Variants in EPS15L1 observed in about 807,000 individuals in gnomAD.
EPS15L1 encodes epidermal growth factor receptor substrate 15-like 1.
EPS15L1 carries 43 observed loss-of-function variants against 117.1 expected under a neutral mutation model. The ratio of observed to expected loss-of-function variants is 0.37; its 90% CI spans 0.29 to 0.47. The LOEUF (loss-of-function observed/expected upper bound fraction) is 0.47. EPS15L1 is among the 20% of genes least tolerant of loss of function. The pLI is 0.99. For missense variants in EPS15L1, 981 were observed against 1,164.0 expected (o/e 0.84, Z 2.29); for synonymous variants, 459 against 470.5 (o/e 0.98, Z 0.32).
intron 1 of EPS15L1, among the ~76,000 whole-genome samples, chr19:16,450,098 AT>A (rs1005919276): frequency 1.3e-4 from 20 of 151,382 alleles, no homozygotes; most frequent in Non-Finnish European, 1.0e-4. Flanking sequence ...AAAAAAAAAA[AT>A]AGCCACGCAT....
intron 21 of EPS15L1, among the ~76,000 whole-genome samples, chr19:16,380,819 C>T (rs1192405895): frequency 1.3e-5 from 2 of 152,254 alleles, no homozygotes; most frequent in African/African-American, 4.8e-5. Flanking sequence ...GTGTCTCTGG[C>T]AGCTAGTTAT....
rs74993164 is a variant in EPS15L1, at chr19:16,457,748, G to A, written c.33+14165C>T. ...TCCCAGCTGCTGACCTGTGTCCCCT[G>A]GACATCACCCCTCCCGGGCATCTCA... On this transcript the variant is annotated intron_variant, in intron 1 of 23. Transcript: ENST00000455140. Among the ~76,000 whole-genome samples the A allele has an allele frequency of 4.4e-3, 669 of 152,180 alleles. 9 individuals are homozygous for A. The highest frequency in any genetic ancestry group is 0.015 in the African/African-American group (617 of 41,516).
chr19:16,367,090 C>T (rs946570329), intron 22 of EPS15L1, among the ~76,000 whole-genome samples: 3 of 151,628 alleles, frequency 2.0e-5, no homozygotes, highest in Admixed American at 6.6e-5. Flanking sequence ...TTTACTGACG[C>T]GCATTTCAGA....
chr19:16,471,929 A>T lies in EPS15L1; in HGVS notation c.17T>A (p.Ile6Asn). The change falls in exon 1 of 24, where the codon ATC (isoleucine) becomes AAC (asparagine). Residue 6 changes from isoleucine to asparagine, a missense_variant. Ile to Asn is a moderately radical substitution (Grantham distance 149). Around this residue, in one of 5 missense-constraint regions of EPS15L1, gnomAD observed 37 missense variants for 21.2 expected, o/e 1.75. Transcript: ENST00000455140. This position sits in a 1 kb window ranked among gnomAD's most constrained non-coding sequence, Gnocchi z 4.8. The stretch of plus-strand genomic sequence containing the variant: ...GGCCCGTACCTGCTGGGAGAGGGGG[A>T]TGAGCGGCGCCGCCATCTTCCCGCG... MAAPL[I>N]PLSQQIPTGN... is the part of the protein sequence containing the mutation. The T allele has an allele frequency of 4.6e-6, 6 of 1,291,370 alleles. No individual in the cohort carries two copies. Among genetic ancestry groups the T allele is most frequent in the Non-Finnish European group, 5.9e-6 (6 of 1,020,784 alleles). The allele number at this position is 1,291,370 out of a possible 1,614,324, so 80.0% of individuals were successfully genotyped here. A position where few individuals can be genotyped will look rare whatever the true frequency, so the allele number is the denominator to read the frequency against.
intron 23 of EPS15L1, chr19:16,361,523 T>C: frequency 3.5e-6 from 4 of 1,137,980 alleles, no homozygotes; most frequent in East Asian, 3.8e-5. Flanking sequence ...GAAGGACAGA[T>C]AGGTCCCGCC....
chr19:16,374,795 T>C (rs1157274516), intron 22 of EPS15L1, among the ~76,000 whole-genome samples: 1 of 152,240 alleles, frequency 6.6e-6, no homozygotes, highest in African/African-American at 2.4e-5. Context: ...TACGTGCACA[T>C]GTGTGTAAAT....
chr19:16,445,479 C>T (rs2093074228), intron 1 of EPS15L1, among the ~76,000 whole-genome samples: 1 of 152,236 alleles, frequency 6.6e-6, no homozygotes, highest in African/African-American at 2.4e-5. Context: ...AAAGAAGGTA[C>T]AGCACCAGGC....
intron 22 of EPS15L1, among the ~76,000 whole-genome samples, chr19:16,376,349 A>G (rs1484179188): frequency 6.6e-6 from 1 of 152,196 alleles, no homozygotes; most frequent in Non-Finnish European, 1.5e-5. Flanking sequence ...TCTGTTTGAG[A>G]GTCTGGCCAA....
At chr19:16,388,880 C>T (rs545555696) in intron 19 of EPS15L1, among the ~76,000 whole-genome samples, 1 of 152,014 alleles carries the variant, frequency 6.6e-6, no homozygotes, top group Non-Finnish European at 1.5e-5. Flanking sequence ...ACAATGGAGG[C>T]TGGAAGGCAG....
At chr19:16,447,421 G>C (rs1452070565) in intron 1 of EPS15L1, among the ~76,000 whole-genome samples, 4 of 152,192 alleles carry the variant, frequency 2.6e-5, no homozygotes, top group Non-Finnish European at 5.9e-5. Flanking sequence ...AGAAAGAAGA[G>C]ATGCAGCAAA....
chr19:16,442,302 G>A (rs1809193510), intron 1 of EPS15L1, 83 bp from the exon 2 acceptor site: 3 of 1,035,210 alleles, frequency 2.9e-6, no homozygotes, highest in African/African-American at 3.2e-5. Context: ...ATTTTGTCAT[G>A]ACCAAAATAT....
chr19:16,436,792 C>A, intron 6 of EPS15L1, 145 bp downstream of exon 6: 2 of 639,798 alleles, frequency 3.1e-6, no homozygotes, highest in Non-Finnish European at 5.4e-6. Context: ...GCCACTCACA[C>A]TGAGACAGAA....
intron 19 of EPS15L1, among the ~76,000 whole-genome samples, chr19:16,389,143 GAA>G (rs200214391): frequency 7.0e-6 from 1 of 143,794 alleles, no homozygotes. Context: ...GCGGAGGTTG[GAA>G]AAAAAAAAAG....
At chr19:16,428,599 A>G (rs1015344733) in intron 8 of EPS15L1, 103 bp downstream of exon 8, 19 of 744,940 alleles carry the variant, frequency 2.6e-5, no homozygotes, top group Admixed American at 8.9e-5. Flanking sequence ...AAAAGAAAAG[A>G]AAAAAGAAAA....
At chr19:16,395,240 T>C (rs1036502565) in intron 17 of EPS15L1, 104 bp downstream of exon 17, 40 of 1,097,808 alleles carry the variant, frequency 3.6e-5, no homozygotes, top group Non-Finnish European at 5.1e-5. Flanking sequence ...TCCCCCTCCA[T>C]TTCAGATTGT....
At chr19:16,455,331 T>C (rs964163317) in intron 1 of EPS15L1, among the ~76,000 whole-genome samples, 1 of 152,062 alleles carries the variant, frequency 6.6e-6, no homozygotes. Context: ...CTCATTATTT[T>C]GCCAGGCTGG....
intron 6 of EPS15L1, chr19:16,434,867 A>G (rs185037294): frequency 1.9e-3 from 325 of 173,922 alleles, no homozygotes; most frequent in Non-Finnish European, 1.8e-3. Flanking sequence ...CAGAAAGACA[A>G]AAGTGTGAGC....
intron 1 of EPS15L1, among the ~76,000 whole-genome samples, chr19:16,454,606 G>A (rs980981866): frequency 6.6e-5 from 10 of 152,128 alleles, no homozygotes; most frequent in Admixed American, 2.0e-4. Flanking sequence ...GAACATGCTC[G>A]GGGCTCAAGG....
At chr19:16,451,869 G>A (rs2093147237) in intron 1 of EPS15L1, among the ~76,000 whole-genome samples, 1 of 150,318 alleles carries the variant, frequency 6.7e-6, no homozygotes, top group Non-Finnish European at 1.5e-5. Context: ...CAGGCACGGT[G>A]GCTCACACCT....
Sources: gnomAD v4.1 joint callset for allele counts (sites outside exome capture counted in the v4.1 genomes callset) on GRCh38, gnomAD v4.1.1 for gene constraint, gnomAD v4.1.1 regional missense constraint, Gnocchi (gnomAD v3.1) non-coding constraint, MANE v1.5 for transcripts, NCBI Gene and HGNC (gene_info 2026-07-23, HGNC 2026-07-21) for gene names.